ADGRV1: variants seen among roughly 807,000 people sequenced by gnomAD.
ADGRV1 encodes the protein adhesion G protein-coupled receptor V1, also known as G-protein coupled receptor 98.
ADGRV1 carries 359 observed loss-of-function variants against 596.2 expected under a neutral mutation model. The observed-to-expected ratio is 0.60, with a 90% confidence interval of 0.55 to 0.66. The LOEUF (loss-of-function observed/expected upper bound fraction) is 0.66, where lower values mean the gene tolerates loss of function less well. ADGRV1 is among the 30% of genes least tolerant of loss of function. The pLI, the probability that ADGRV1 is intolerant of heterozygous loss-of-function variation, is 0.00. For missense variants in ADGRV1, 7,274 were observed against 7,575.6 expected (o/e 0.96, Z 1.48); for synonymous variants, 2,681 against 2,679.2 (o/e 1.00, Z -0.02).
chr5:90,578,185 G>T (rs555360953), intron 1 of ADGRV1, among the ~76,000 whole-genome samples: 4 of 152,318 alleles, frequency 2.6e-5, no homozygotes, highest in African/African-American at 9.6e-5. Context: ...TCCTTGTCTT[G>T]TGCTGGTTTT....
rs113293436 is a variant in ADGRV1, at chr5:90,989,581, A to G, written c.18152+4059A>G. Among the ~76,000 whole-genome samples the G allele has an allele frequency of 7.0e-3, 1,063 of 152,076 alleles. 13 individuals are homozygous for G. The highest frequency in any genetic ancestry group is 0.048 in the Middle Eastern group (14 of 294). On this transcript the variant is annotated intron_variant, in intron 85 of 89. Coordinates refer to ENST00000405460, the MANE Select transcript of ADGRV1 (RefSeq NM_032119.4). ...TGCCTCCTAACTTGTGCCCCTATCT[A>G]TAATTTCTTCATTTTATAATCTATC...
intron 43 of ADGRV1, among the ~76,000 whole-genome samples, chr5:90,718,881 A>G (rs1383224497): frequency 1.3e-5 from 2 of 152,034 alleles, no homozygotes; most frequent in South Asian, 2.1e-4. Context: ...TAAATGTTAG[A>G]GCAAATTGGA....
intron 17 of ADGRV1, among the ~76,000 whole-genome samples, chr5:90,650,489 GT>G: frequency 6.6e-6 from 1 of 152,158 alleles, no homozygotes; most frequent in African/African-American, 2.4e-5. Flanking sequence ...GAGTACAGTT[GT>G]ATATTTGTAT....
At chr5:91,107,517 G>C (rs1160674310) in intron 87 of ADGRV1, among the ~76,000 whole-genome samples, 2 of 152,144 alleles carry the variant, frequency 1.3e-5, no homozygotes, top group African/African-American at 4.8e-5. Context: ...CTACTCTGGA[G>C]CTGAAAGTGT....
chr5:90,951,778 A>G (rs1441848842), intron 83 of ADGRV1, among the ~76,000 whole-genome samples: 1 of 152,212 alleles, frequency 6.6e-6, no homozygotes, highest in East Asian at 1.9e-4. Context: ...CAATATGCTC[A>G]GTACTAGAGA....
chr5:90,679,618 T>G lies in ADGRV1; in HGVS notation c.5513T>G (p.Ile1838Ser). 1 of 1,612,984 alleles carries G rather than the reference T, an allele frequency of 6.2e-7. No individual in the cohort carries two copies. The highest frequency in any genetic ancestry group is 8.5e-7 in the Non-Finnish European group (1 of 1,179,092). ...GACATGGAATTCTTCCTTCCAACTATTCACAAACGTGGTAAGCAGTTTTTC... is the reference window on the plus strand; with the variant it reads ...GACATGGAATTCTTCCTTCCAACTAGTCACAAACGTGGTAAGCAGTTTTTC... ...DGDMEFFLPT[I>S]HKRASLGVAS... The change falls in exon 26 of 90, where the codon ATT (isoleucine) becomes AGT (serine). Residue 1838 changes from isoleucine to serine, a missense_variant. By Grantham distance (142) the Ile-to-Ser change is moderately radical. Around this residue, in one of 5 missense-constraint regions of ADGRV1, gnomAD observed 3,643 missense variants for 3,809.2 expected, o/e 0.96. Transcript: ENST00000405460.
chr5:90,692,213 G>C (rs1370527215), intron 31 of ADGRV1, among the ~76,000 whole-genome samples: 1 of 151,914 alleles, frequency 6.6e-6, no homozygotes, highest in African/African-American at 2.4e-5. Context: ...GATAATGTGG[G>C]AAATAAAGCA....
In ADGRV1 at chr5:90,729,706, G is replaced by T. The variant is rs555025224; in HGVS notation, c.10491G>T (p.Gln3497His). ...GACAGTCTTCCTTCAGGTATTTTCA[G>T]TCTGTAGATTTTGCTGCTGTTAACA... ...EMGQSSFRYFQSVDFAAVNRI... is the reference protein window; with the variant it reads ...EMGQSSFRYFHSVDFAAVNRI... The change falls in exon 50 of 90, where the codon CAG becomes CAT. Residue 3497 changes from glutamine (Q) to histidine (H), a missense_variant. Gln to His is a conservative substitution (Grantham distance 24). This residue lies in a region of ADGRV1 where 3,643 missense variants were observed against 3,809.2 expected (regional missense o/e 0.96). Coordinates refer to ENST00000405460, the MANE Select transcript of ADGRV1 (RefSeq NM_032119.4). The T allele has an allele frequency of 2.5e-6, 4 of 1,611,178 alleles. No homozygotes were observed. The South Asian group carries it at 3.3e-5, about 13-fold the overall frequency.
intron 83 of ADGRV1, among the ~76,000 whole-genome samples, chr5:90,959,723 A>G (rs1777805686): frequency 6.6e-6 from 1 of 152,228 alleles, no homozygotes; most frequent in Non-Finnish European, 1.5e-5. Context: ...GGTGCTGAAA[A>G]AAATTGGTAC....
intron 86 of ADGRV1, among the ~76,000 whole-genome samples, chr5:91,097,554 G>T (rs781462088): frequency 1.3e-5 from 2 of 152,144 alleles, no homozygotes; most frequent in Non-Finnish European, 2.9e-5. Flanking sequence ...ATATCCATTT[G>T]AGTACCTGTG....
chr5:90,697,080 G>A lies in ADGRV1; in HGVS notation c.8089G>A (p.Ala2697Thr). 6.2e-7 allele frequency: 1 copy of A among 1,613,402 alleles called. No homozygotes were observed. The highest frequency in any genetic ancestry group is 8.5e-7 in the Non-Finnish European group (1 of 1,179,494). The change falls in exon 34 of 90, where the codon GCC (alanine) becomes ACC (threonine). Residue 2697 changes from alanine (A) to threonine (T), a missense_variant. Around this residue, in one of 5 missense-constraint regions of ADGRV1, gnomAD observed 3,643 missense variants for 3,809.2 expected, o/e 0.96. Transcript: ENST00000405460. ...SSDTVRVNIL[A>T]NDNVAGIVSF... The stretch of plus-strand genomic sequence containing the variant: ...CGACACTGTTAGAGTGAACATTTTG[G>A]CCAATGACAATGTGGCAGGAATTGT...
At chr5:90,759,362 CCTT>C (rs1756202659) in intron 57 of ADGRV1, 44 bp from the exon 58 acceptor site, 2 of 1,298,284 alleles carry the variant, frequency 1.5e-6, no homozygotes, top group Non-Finnish European at 2.2e-6. Flanking sequence ...CTATCTTCCT[CCTT>C]CTTTTCCTCC....
At chr5:90,892,777 G>T (rs1249775131) in intron 83 of ADGRV1, among the ~76,000 whole-genome samples, 1 of 152,106 alleles carries the variant, frequency 6.6e-6, no homozygotes, top group African/African-American at 2.4e-5. Flanking sequence ...CCGCAAAAGA[G>T]AATTCCAATC....
chr5:90,753,329 T>C (rs1755470614), intron 53 of ADGRV1, among the ~76,000 whole-genome samples: 1 of 147,810 alleles, frequency 6.8e-6, no homozygotes, highest in Middle Eastern at 3.2e-3. Context: ...TCTCCAGTAT[T>C]TGACAATTTG....
chr5:90,738,831 G>A (rs1358374326), intron 50 of ADGRV1, among the ~76,000 whole-genome samples: 1 of 152,048 alleles, frequency 6.6e-6, no homozygotes, highest in African/African-American at 2.4e-5. Context: ...AGATAGTGTT[G>A]TCTTTCCCCA....
intron 83 of ADGRV1, among the ~76,000 whole-genome samples, chr5:90,932,127 C>A (rs373551456): frequency 6.6e-6 from 1 of 152,148 alleles, no homozygotes; most frequent in Admixed American, 6.5e-5. Flanking sequence ...TGTATGTAAT[C>A]ATTTTAGCAG....
At chr5:90,812,649 A>G (rs1328052690) in intron 74 of ADGRV1, among the ~76,000 whole-genome samples, 1 of 152,114 alleles carries the variant, frequency 6.6e-6, no homozygotes, top group African/African-American at 2.4e-5. Context: ...TAATTTTGCA[A>G]TCTTTTAACT....
intron 9 of ADGRV1, among the ~76,000 whole-genome samples, chr5:90,633,859 T>C (rs1765811401): frequency 6.6e-6 from 1 of 152,200 alleles, no homozygotes; most frequent in Admixed American, 6.5e-5. Flanking sequence ...CTCCTGTATA[T>C]GATTTTTTAA....
chr5:90,683,448 T>C (rs1745202023), intron 27 of ADGRV1, 138 bp from the exon 28 acceptor site: 5 of 673,682 alleles, frequency 7.4e-6, no homozygotes, highest in Non-Finnish European at 1.2e-5. Flanking sequence ...ATATGACCCC[T>C]GCCTGCAGCA....
Sources: gnomAD v4.1 joint callset for allele counts (sites outside exome capture counted in the v4.1 genomes callset) on GRCh38, gnomAD v4.1.1 for gene constraint, gnomAD v4.1.1 regional missense constraint, MANE v1.5 for transcripts, NCBI Gene and HGNC (gene_info 2026-07-23, HGNC 2026-07-21) for gene names.